Variants in ZNF235 observed in about 807,000 individuals in gnomAD.
ZNF235 encodes zfp-93.
In ZNF235, 25 loss-of-function variants were observed where a neutral mutation model predicts 29.4. The observed-to-expected ratio is 0.85, with a 90% CI of 0.62 to 1.19. The LOEUF (loss-of-function observed/expected upper bound fraction) is 1.19, where lower values mean the gene tolerates loss of function less well. Ranked by LOEUF, ZNF235 falls within the 50% of genes most tolerant of loss-of-function variation. The pLI, the probability that ZNF235 is intolerant of heterozygous loss-of-function variation, is 0.00. For synonymous variants in ZNF235, 300 were observed against 295.3 expected, an observed-to-expected ratio of 1.02 and a Z score of -0.16; for missense variants, 788 against 885.0, an observed-to-expected ratio of 0.89 and a Z score of 1.39.
chr19:44,299,591 G>C lies in ZNF235; in HGVS notation c.142+15C>G. On this transcript the variant is annotated intron_variant, in intron 3 of 4. Transcript: ENST00000291182. Reference sequence around the variant, plus strand: ...TGAGAAACCCTGCTGAATTACAGAGGGTGCCTGTCCTTACCCACTGAAACC... The same window carrying C: ...TGAGAAACCCTGCTGAATTACAGAGCGTGCCTGTCCTTACCCACTGAAACC... 1 of 1,612,778 alleles carries C rather than the reference G, an allele frequency of 6.2e-7. No individual in the cohort carries two copies. The highest frequency in any genetic ancestry group is 8.5e-7 in the Non-Finnish European group (1 of 1,179,454).
chr19:44,295,313 C>G (rs190386347), intron 4 of ZNF235, among the ~76,000 whole-genome samples: 1 of 151,638 alleles, frequency 6.6e-6, no homozygotes, highest in Non-Finnish European at 1.5e-5. Flanking sequence ...AGGCTAAAAA[C>G]CAAATCAAGA....
chr19:44,304,749 A>G lies in ZNF235; in HGVS notation c.-49+222T>C, dbSNP rs562943544. Reference sequence around the variant, plus strand: ...GGCAGGACTGGCTGGTAGGTGCGTGAGGACGGCTAGGGCAGCAGACCCTCA... The same window carrying G: ...GGCAGGACTGGCTGGTAGGTGCGTGGGGACGGCTAGGGCAGCAGACCCTCA... On this transcript the variant is annotated intron_variant, in intron 1 of 4. Transcript: ENST00000291182. The G allele has an allele frequency of 3.4e-4, 335 of 985,468 alleles. 2 individuals are homozygous for G. In the African/African-American group the frequency reaches 5.3e-3, roughly 15 times the overall value. 61.0% of individuals were successfully genotyped at this position (985,468 alleles called of 1,614,324 possible). A position where few individuals can be genotyped will look rare whatever the true frequency, so the allele number is the denominator to read the frequency against.
chr19:44,304,942 GA>G, intron 1 of ZNF235, 28 bp downstream of exon 1: 1 of 985,482 alleles, frequency 1.0e-6, no homozygotes. Context: ...AGGGCTCGGA[GA>G]AGTCTTGGAG....
At position 44,287,433 on chromosome 19, in the gene ZNF235, C is replaced by T. The variant is rs1975503277; in HGVS notation, c.2002G>A (p.Ala668Thr). 4.3e-6 allele frequency: 7 copies of T among 1,612,358 alleles called. No individual in the cohort carries two copies. The highest frequency in any genetic ancestry group is 5.9e-6 in the Non-Finnish European group (7 of 1,179,410). Residue 668 changes from alanine (A) to threonine (T), a missense_variant, in exon 5 of 5, where the codon GCT becomes ACT. Physicochemically the swap from Ala to Thr is moderately conservative, Grantham distance 58. Transcript: ENST00000291182. Reference protein sequence around the residue: ...EECGKEFSWSAGLSAHQRVHT... With the variant: ...EECGKEFSWSTGLSAHQRVHT... The stretch of plus-strand genomic sequence containing the variant: ...ACCCTCTGATGGGCACTGAGACCAG[C>T]ACTCCAACTGAATTCTTTCCCACAT...
At position 44,303,467 on chromosome 19, in the gene ZNF235, G is replaced by C. The variant is rs762781168; in HGVS notation, c.-48-15C>G. ...GGGAAGTGAACCTGAGGGAGGGAAA[G>C]GCATCATGAGATAGGTTAGGGATGG... On this transcript the variant is annotated splice_polypyrimidine_tract_variant and intron_variant, in intron 1 of 4. Coordinates refer to ENST00000291182, the MANE Select transcript of ZNF235 (RefSeq NM_004234.4). 1 of 1,594,616 alleles carries C rather than the reference G, an allele frequency of 6.3e-7. No homozygotes were observed. Among genetic ancestry groups the C allele is most frequent in the African/African-American group, 1.3e-5 (1 of 74,252 alleles).
intron 1 of ZNF235, 122 bp downstream of exon 1, chr19:44,304,849 C>T (rs1975808194): frequency 1.0e-6 from 1 of 985,502 alleles, no homozygotes; most frequent in Non-Finnish European, 1.2e-6. Context: ...CGCAGCCTCC[C>T]AACCCCGCCC....
chr19:44,301,921 C>T (rs1235886251), intron 2 of ZNF235, among the ~76,000 whole-genome samples: 1 of 152,184 alleles, frequency 6.6e-6, no homozygotes, highest in Non-Finnish European at 1.5e-5. Flanking sequence ...AAAGCTGTTC[C>T]ATGGTGCAAA....
At chr19:44,292,869 G>C (rs1975603589) in intron 4 of ZNF235, among the ~76,000 whole-genome samples, 1 of 152,016 alleles carries the variant, frequency 6.6e-6, no homozygotes, top group Admixed American at 6.5e-5. Context: ...TATAAAGGAA[G>C]CTCCATCACA....
chr19:44,286,985 T>C lies in ZNF235; in HGVS notation c.*233A>G. ...AACCGGGACACCTGGTACTCTGATA[T>C]AAACACTGATCATATTTACAGAACA... On this transcript the variant is annotated 3_prime_UTR_variant, in exon 5 of 5. Transcript: ENST00000291182. The C allele has an allele frequency of 2.1e-6, 1 of 470,094 alleles. No homozygotes were observed. Among genetic ancestry groups the C allele is most frequent in the Non-Finnish European group, 3.7e-6 (1 of 269,434 alleles). The allele number at this position is 470,094 out of a possible 1,614,324, so 29.1% of individuals were successfully genotyped here.
chr19:44,303,258 G>T, intron 2 of ZNF235, 132 bp downstream of exon 2: 2 of 702,850 alleles, frequency 2.8e-6, no homozygotes, highest in Admixed American at 2.1e-5. Flanking sequence ...GAAATAAAAG[G>T]CAACAACCTG....
At chr19:44,302,981 T>TA (rs1975768062) in intron 2 of ZNF235, among the ~76,000 whole-genome samples, 1 of 124,242 alleles carries the variant, frequency 8.0e-6, no homozygotes, top group African/African-American at 4.1e-5. Context: ...TATGTATATA[T>TA]TTATATATAA....
At chr19:44,302,143 T>A (rs1417018277) in intron 2 of ZNF235, among the ~76,000 whole-genome samples, 1 of 152,166 alleles carries the variant, frequency 6.6e-6, no homozygotes, top group Non-Finnish European at 1.5e-5. Flanking sequence ...TATACTTTAT[T>A]CTCTCCATAA....
intron 2 of ZNF235, among the ~76,000 whole-genome samples, chr19:44,302,101 T>C (rs1294589668): frequency 6.6e-6 from 1 of 152,196 alleles, no homozygotes; most frequent in African/African-American, 2.4e-5. Flanking sequence ...TTTCTCTGAG[T>C]TTGGCATCAG....
At position 44,304,955 on chromosome 19, in the gene ZNF235, C is replaced by T; in HGVS notation, c.-49+16G>A. On this transcript the variant is annotated intron_variant, in intron 1 of 4. Transcript: ENST00000291182. ...AGAGGGCTCGGAGAAGTCTTGGAGA[C>T]CCGGAGCTGACTCACCTCCCTGGGA... 1.0e-6 allele frequency: 1 copy of T among 985,314 alleles called. No individual in the cohort carries two copies. Among genetic ancestry groups the T allele is most frequent in the Non-Finnish European group, 1.2e-6 (1 of 829,822 alleles). The allele number at this position is 985,314 out of a possible 1,614,324, so 61.0% of individuals were successfully genotyped here. A position where few individuals can be genotyped will look rare whatever the true frequency, so the allele number is the denominator to read the frequency against.
At chr19:44,302,612 G>C (rs1266755974) in intron 2 of ZNF235, among the ~76,000 whole-genome samples, 6 of 151,376 alleles carry the variant, frequency 4.0e-5, no homozygotes, top group Non-Finnish European at 7.4e-5. Flanking sequence ...ATAATTAGCT[G>C]GTTGTGCTGG....
chr19:44,289,466 C>T (rs1975555863), intron 4 of ZNF235: 1 of 342,760 alleles, frequency 2.9e-6, no homozygotes, highest in East Asian at 5.1e-5. Context: ...AGTCTTGCTG[C>T]CTGTGTGTAT....
chr19:44,288,484 T>G lies in ZNF235; in HGVS notation c.951A>C (p.Lys317Asn). 6.2e-7 allele frequency: 1 copy of G among 1,614,162 alleles called. No individual in the cohort carries two copies. Among genetic ancestry groups the G allele is most frequent in the Non-Finnish European group, 8.5e-7 (1 of 1,180,010 alleles). Residue 317 changes from lysine to asparagine, a missense_variant, in exon 5 of 5, where the codon AAA becomes AAC. By Grantham distance (94) the Lys-to-Asn change is moderately conservative. Coordinates refer to ENST00000291182, the MANE Select transcript of ZNF235 (RefSeq NM_004234.4). The part of the protein sequence containing the change: ...PVQQSVRTGK[K>N]RYWCHECGKG... ...TACCACATTCATGACACCAATAGCGTTTTTTCCCAGTACGAACACTTTGTT... is the reference window on the plus strand; with the variant it reads ...TACCACATTCATGACACCAATAGCGGTTTTTCCCAGTACGAACACTTTGTT...
chr19:44,290,715 T>C, intron 4 of ZNF235: 1 of 167,426 alleles, frequency 6.0e-6, no homozygotes, highest in Non-Finnish European at 1.3e-5. Flanking sequence ...CTGATAAGCA[T>C]CAACCAGAGG....
rs184608645 is a variant in ZNF235, at chr19:44,287,061, A to G, written c.*157T>C. On this transcript the variant is annotated 3_prime_UTR_variant, in exon 5 of 5. Coordinates refer to ENST00000291182, the MANE Select transcript of ZNF235 (RefSeq NM_004234.4). The stretch of plus-strand genomic sequence containing the variant: ...GACGTTTGTAAAGAATTCATGTCCT[A>G]ACCAAGTCTAAAACACAGCATTTGA... 1.7e-4 allele frequency: 124 copies of G among 722,064 alleles called. No homozygotes were observed. The African/African-American group carries it at 2.0e-3, about 12-fold the overall frequency. 44.7% of individuals were successfully genotyped at this position (722,064 alleles called of 1,614,324 possible).
Sources: allele counts gnomAD v4.1 joint callset (sites outside exome capture counted in the v4.1 genomes callset), GRCh38; gene constraint gnomAD v4.1.1; transcripts MANE v1.5; gene names NCBI Gene and HGNC (gene_info 2026-07-23, HGNC 2026-07-21).